USH2A: variants seen among roughly 807,000 people sequenced by gnomAD.
USH2A encodes the protein Usher syndrome 2A (autosomal recessive, mild).
USH2A carries 443 observed loss-of-function variants against 538.9 expected under a neutral mutation model. The observed-to-expected ratio is 0.82, with a 90% CI of 0.76 to 0.89. The LOEUF is 0.89. Ranked by LOEUF, USH2A falls within the 40% of genes least tolerant of loss-of-function variation. The pLI, the probability that USH2A is intolerant of heterozygous loss-of-function variation, is 0.00. For synonymous variants in USH2A, 2,413 were observed against 2,273.5 expected (o/e 1.06, Z -1.75); for missense variants, 6,633 against 6,324.8 (o/e 1.05, Z -1.65).
At chr1:216,215,890 C>T (rs2035333357) in intron 15 of USH2A, among the ~76,000 whole-genome samples, 1 of 152,024 alleles carries the variant, frequency 6.6e-6, no homozygotes, top group African/African-American at 2.4e-5. Flanking sequence ...GAGTTGTAGG[C>T]TAGCTTTCCA....
At chr1:216,421,774 T>G in intron 2 of USH2A, 78 bp downstream of exon 2, 2 of 1,604,900 alleles carry the variant, frequency 1.2e-6, no homozygotes, top group Non-Finnish European at 1.7e-6. Context: ...ACTTCCGGTT[T>G]GGAATTCAGG....
At chr1:216,396,261 C>T (rs2039210173) in intron 3 of USH2A, among the ~76,000 whole-genome samples, 1 of 152,156 alleles carries the variant, frequency 6.6e-6, no homozygotes, top group Admixed American at 6.5e-5. Context: ...TGAAGCTTGG[C>T]TCAATAACCA....
chr1:216,405,238 T>C (rs2039374933), intron 3 of USH2A, among the ~76,000 whole-genome samples: 1 of 152,128 alleles, frequency 6.6e-6, no homozygotes. Flanking sequence ...TAGGCAAGAC[T>C]TCATAGACTT....
At chr1:216,044,202 T>A (rs925501932) in intron 32 of USH2A, among the ~76,000 whole-genome samples, 4 of 152,032 alleles carry the variant, frequency 2.6e-5, no homozygotes, top group Non-Finnish European at 5.9e-5. Flanking sequence ...ATAAAGGTAA[T>A]CAGTAAGCAT....
At chr1:216,303,427 T>C (rs1180682378) in intron 9 of USH2A, among the ~76,000 whole-genome samples, 3 of 151,940 alleles carry the variant, frequency 2.0e-5, no homozygotes, top group Non-Finnish European at 4.4e-5. Context: ...CGAATTCACA[T>C]ACTAAGAAGT....
At chr1:216,374,793 C>A (rs1303880514) in intron 3 of USH2A, among the ~76,000 whole-genome samples, 1 of 152,112 alleles carries the variant, frequency 6.6e-6, no homozygotes, top group Non-Finnish European at 1.5e-5. Flanking sequence ...TTGACATGTT[C>A]TAATAATTCT....
chr1:215,770,768 G>A (rs546659762), intron 55 of USH2A, among the ~76,000 whole-genome samples: 2 of 151,956 alleles, frequency 1.3e-5, no homozygotes, highest in South Asian at 4.2e-4. Flanking sequence ...GGAAGCTAAG[G>A]CACAGAAAGT....
chr1:216,170,680 G>C (rs1352985823), intron 21 of USH2A, among the ~76,000 whole-genome samples: 1 of 152,090 alleles, frequency 6.6e-6, no homozygotes, highest in Non-Finnish European at 1.5e-5. Context: ...CAAGGAGAAA[G>C]AGGGTCACCT....
chr1:215,859,278 T>C (rs763167249), intron 44 of USH2A, among the ~76,000 whole-genome samples: 1 of 152,170 alleles, frequency 6.6e-6, no homozygotes, highest in Non-Finnish European at 1.5e-5. Flanking sequence ...CTCTAGCCTG[T>C]AATCCCAGCA....
At chr1:216,319,614 T>C (rs763062200) in intron 9 of USH2A, among the ~76,000 whole-genome samples, 1 of 152,106 alleles carries the variant, frequency 6.6e-6, no homozygotes, top group Non-Finnish European at 1.5e-5. Flanking sequence ...AATTAGAACA[T>C]GAAAGTTTTG....
At chr1:216,080,500 C>T (rs2031906931) in intron 26 of USH2A, among the ~76,000 whole-genome samples, 1 of 151,902 alleles carries the variant, frequency 6.6e-6, no homozygotes, top group African/African-American at 2.4e-5. Context: ...GGGCAGGAAC[C>T]TAATGTACAG....
chr1:216,292,467 A>G (rs2037021534), intron 9 of USH2A, 97 bp from the exon 10 acceptor site: 2 of 1,281,416 alleles, frequency 1.6e-6, no homozygotes, highest in African/African-American at 1.5e-5. Flanking sequence ...TAAAGCACAT[A>G]TCAGTGAGTT....
intron 21 of USH2A, among the ~76,000 whole-genome samples, chr1:216,122,377 A>G (rs1811900): frequency 0.35 from 53,569 of 152,046 alleles, 10,386 homozygotes; most frequent in East Asian, 0.73. Flanking sequence ...TGAACTGACA[A>G]ATAAGCATAA....
intron 20 of USH2A, among the ~76,000 whole-genome samples, chr1:216,183,749 TCTC>T (rs754123507): frequency 2.6e-5 from 4 of 152,022 alleles, no homozygotes; most frequent in African/African-American, 7.2e-5. Context: ...AGCAAATTCT[TCTC>T]CTTGTAATTA....
chr1:216,409,460 G>A (rs1469248008), intron 3 of USH2A, among the ~76,000 whole-genome samples: 6 of 152,058 alleles, frequency 3.9e-5, no homozygotes, highest in African/African-American at 1.4e-4. Flanking sequence ...TGGAGGCATT[G>A]CATTACTTGA....
chr1:216,294,838 G>A (rs1308947500), intron 9 of USH2A, among the ~76,000 whole-genome samples: 2 of 151,380 alleles, frequency 1.3e-5, no homozygotes, highest in Non-Finnish European at 3.0e-5. Flanking sequence ...CCTAGTTCTT[G>A]GTTAGATATA....
intron 58 of USH2A, among the ~76,000 whole-genome samples, chr1:215,743,820 CAAA>C (rs11422369): frequency 1.7e-5 from 2 of 117,596 alleles, no homozygotes; most frequent in Admixed American, 1.7e-4. Flanking sequence ...ACTCCGCCTC[CAAA>C]AAAAAAAAAA....
At chr1:215,901,466 T>A (rs370628404) in intron 38 of USH2A, 2 of 164,092 alleles carry the variant, frequency 1.2e-5, no homozygotes, top group South Asian at 3.1e-4. Context: ...CCAGCCTTAA[T>A]GCTCACCCAT....
At chr1:215,769,272 T>C (rs1388494405) in intron 55 of USH2A, among the ~76,000 whole-genome samples, 2 of 152,178 alleles carry the variant, frequency 1.3e-5, no homozygotes, top group African/African-American at 2.4e-5. Context: ...ATCTTCCTCA[T>C]TGTGGTCGTG....
Sources: allele counts gnomAD v4.1 joint callset (sites outside exome capture counted in the v4.1 genomes callset), GRCh38; gene constraint gnomAD v4.1.1; transcripts MANE v1.5; gene names NCBI Gene and HGNC (gene_info 2026-07-23, HGNC 2026-07-21).